The following RBFOX1 variants were observed in gnomAD, a reference collection of about 807,000 sequenced individuals.
The protein encoded by RBFOX1 is RNA binding fox-1 homolog 1, also known as RNA binding protein fox-1 homolog 1.
RBFOX1 carries 8 observed loss-of-function variants against 57.7 expected under a neutral mutation model. That is an observed-to-expected ratio of 0.14 (90% CI 0.08 to 0.25). RBFOX1 has a LOEUF of 0.25. Ranked by LOEUF, RBFOX1 falls within the 10% of genes least tolerant of loss-of-function variation. The probability of loss-of-function intolerance (pLI) is 1.00; values close to 1 mark genes in which losing one functional copy is unlikely to be tolerated. For missense variants in RBFOX1, 611 were observed against 548.5 expected, an observed-to-expected ratio of 1.11 and a Z score of -1.14; for synonymous variants, 326 against 222.4, an observed-to-expected ratio of 1.47 and a Z score of -4.15.
intron 2 of RBFOX1, among the ~76,000 whole-genome samples, chr16:5,497,433 A>G (rs967128286): frequency 2.0e-5 from 3 of 151,964 alleles, no homozygotes; most frequent in African/African-American, 7.3e-5. Flanking sequence ...TATGTATTCA[A>G]CAGTGACCCA....
chr16:7,101,610 C>G (rs761412799), intron 4 of RBFOX1, among the ~76,000 whole-genome samples: 8 of 152,106 alleles, frequency 5.3e-5, no homozygotes, highest in African/African-American at 9.7e-5. Context: ...TATAAAGACT[C>G]TGATGAAAGG....
chr16:6,305,082 G>A (rs908998870), intron 1 of RBFOX1, among the ~76,000 whole-genome samples: 16 of 152,302 alleles, frequency 1.1e-4, no homozygotes, highest in Admixed American at 6.5e-4. Flanking sequence ...CCCATGGCAC[G>A]TCTGAGCTCC....
chr16:6,930,431 A>T (rs1478520793), intron 3 of RBFOX1, among the ~76,000 whole-genome samples: 1 of 152,124 alleles, frequency 6.6e-6, no homozygotes, highest in Non-Finnish European at 1.5e-5. Context: ...TATTGTTGAG[A>T]AACAGTCTCA....
intron 4 of RBFOX1, among the ~76,000 whole-genome samples, chr16:7,162,938 G>C (rs1015461931): frequency 1.3e-5 from 2 of 152,046 alleles, no homozygotes; most frequent in Non-Finnish European, 2.9e-5. Flanking sequence ...TTCCCGTTTT[G>C]GCCATCACCT....
chr16:7,178,901 T>C (rs545177916), intron 4 of RBFOX1, among the ~76,000 whole-genome samples: 2 of 152,304 alleles, frequency 1.3e-5, no homozygotes, highest in African/African-American at 4.8e-5. Context: ...TTTTACTGAT[T>C]TGGTTAACAA....
At chr16:5,559,174 A>G (rs1278565304) in intron 2 of RBFOX1, among the ~76,000 whole-genome samples, 1 of 151,030 alleles carries the variant, frequency 6.6e-6, no homozygotes, top group African/African-American at 2.4e-5. Context: ...GCAAAAAAAA[A>G]AAAAAAAAAA....
At chr16:5,907,400 G>T (rs2058487091) in intron 4 of RBFOX1, among the ~76,000 whole-genome samples, 1 of 151,984 alleles carries the variant, frequency 6.6e-6, no homozygotes, top group South Asian at 2.1e-4. Flanking sequence ...TTCTCCCAGA[G>T]TCATGCTGCT....
chr16:6,626,869 G>A (rs2098315463), intron 2 of RBFOX1, among the ~76,000 whole-genome samples: 1 of 152,200 alleles, frequency 6.6e-6, no homozygotes, highest in African/African-American at 2.4e-5. Context: ...AAGCACTTTA[G>A]TCATAGTTAT....
At chr16:5,489,256 T>G (rs2042746653) in intron 2 of RBFOX1, among the ~76,000 whole-genome samples, 1 of 152,248 alleles carries the variant, frequency 6.6e-6, no homozygotes, top group South Asian at 2.1e-4. Flanking sequence ...TGGCTAACCC[T>G]GTGCTTACAC....
chr16:5,377,453 G>A (rs1236626346), intron 1 of RBFOX1, among the ~76,000 whole-genome samples: 1 of 151,076 alleles, frequency 6.6e-6, no homozygotes, highest in Non-Finnish European at 1.5e-5. Context: ...AAGTGCAAAG[G>A]CTGTTAGAGT....
chr16:6,931,367 A>ATGTGTATG (rs200117967), intron 3 of RBFOX1, among the ~76,000 whole-genome samples: 11 of 149,464 alleles, frequency 7.4e-5, no homozygotes, highest in African/African-American at 2.6e-4. Context: ...ACACACATAC[A>ATGTGTATG]TACACATATA....
At chr16:5,908,231 T>TATATATACATATATATAC (rs1438589009) in intron 4 of RBFOX1, among the ~76,000 whole-genome samples, 9 of 131,808 alleles carry the variant, frequency 6.8e-5, no homozygotes, top group Non-Finnish European at 1.3e-4. Context: ...TATACACACA[T>TATATATACATATATATAC]ATATATACAT....
chr16:7,145,088 C>T (rs2074665411), intron 4 of RBFOX1, among the ~76,000 whole-genome samples: 1 of 152,212 alleles, frequency 6.6e-6, no homozygotes, highest in Admixed American at 6.5e-5. Context: ...CCTAGCTTGA[C>T]AGTGATCCCT....
chr16:5,474,951 G>T (rs2069269654), intron 2 of RBFOX1, among the ~76,000 whole-genome samples: 1 of 152,162 alleles, frequency 6.6e-6, no homozygotes, highest in Non-Finnish European at 1.5e-5. Context: ...CTTGGCTGAT[G>T]CATCCTACCT....
chr16:6,442,363 C>G (rs886953831), intron 2 of RBFOX1, among the ~76,000 whole-genome samples: 8 of 152,108 alleles, frequency 5.3e-5, no homozygotes, highest in African/African-American at 1.9e-4. Flanking sequence ...TGAGACCATC[C>G]AGACCAACAT....
intron 12 of RBFOX1, 137 bp downstream of exon 12, chr16:7,654,084 C>T (rs183934687): frequency 1.2e-5 from 10 of 864,750 alleles, no homozygotes; most frequent in African/African-American, 7.0e-5. Context: ...TGCAGCCCGG[C>T]CGCGCACCTG....
intron 3 of RBFOX1, among the ~76,000 whole-genome samples, chr16:5,835,499 C>A (rs762526246): frequency 3.9e-5 from 6 of 152,190 alleles, no homozygotes; most frequent in Non-Finnish European, 1.5e-5. Context: ...AACATCCTGC[C>A]TGTTGGTTGA....
intron 2 of RBFOX1, among the ~76,000 whole-genome samples, chr16:5,596,548 CTG>C (rs1343960860): frequency 6.6e-6 from 1 of 152,104 alleles, no homozygotes. Flanking sequence ...ACTGGGTCAC[CTG>C]TGAGTCTGGG....
intron 3 of RBFOX1, among the ~76,000 whole-genome samples, chr16:6,899,906 C>T (rs372181376): frequency 3.9e-5 from 6 of 152,014 alleles, no homozygotes; most frequent in African/African-American, 1.4e-4. Context: ...ATTTTTTTGC[C>T]CATGTTCTGA....
Sources: gnomAD v4.1 joint callset for allele counts (sites outside exome capture counted in the v4.1 genomes callset) on GRCh38, gnomAD v4.1.1 for gene constraint, MANE v1.5 for transcripts, NCBI Gene and HGNC (gene_info 2026-07-23, HGNC 2026-07-21) for gene names.